DMWD: variants seen among roughly 807,000 people sequenced by gnomAD.
The protein encoded by DMWD is DM1 locus, WD repeat containing, also known as dystrophia myotonica WD repeat-containing protein.
A neutral mutation model predicts 45.8 loss-of-function variants in DMWD; 19 were observed. The ratio of observed to expected loss-of-function variants is 0.41; its 90% CI spans 0.29 to 0.61. The LOEUF (loss-of-function observed/expected upper bound fraction) is 0.61. DMWD is among the 20% of genes least tolerant of loss of function. DMWD has a pLI of 0.25. For missense variants in DMWD, 802 were observed against 965.2 expected (o/e 0.83, Z 2.24); for synonymous variants, 515 against 440.5 (o/e 1.17, Z -2.12).
rs547621133 is a variant in DMWD at position 45,786,122 on chromosome 19, G to T, written c.1374C>A (p.Arg458=). 82 of 1,541,392 alleles carry T rather than the reference G, an allele frequency of 5.3e-5. No homozygotes were observed. Among genetic ancestry groups the T allele is most frequent in the East Asian group, 1.9e-4 (8 of 42,430 alleles). ...CAGGTGTGCCAGGGAGGGTGCGGGT[G>T]CGGGCCAGGGGGGGGTGCGGGTAGA... The part of the protein sequence containing the change: ...DVLYPHPPLA[R]TRTLPGTPGT... Residue 458 remains arginine, a synonymous_variant, in exon 3 of 5, where the codon CGC becomes CGA. Transcript: ENST00000270223.
chr19:45,790,673 A>C, intron 2 of DMWD: 1 of 399,820 alleles, frequency 2.5e-6, no homozygotes, highest in Admixed American at 4.1e-5. Flanking sequence ...AATAAAAGAA[A>C]GAAAGAAAGA....
chr19:45,792,643 G>A lies in DMWD; in HGVS notation c.114C>T (p.Gly38=). Residue 38 remains glycine, a synonymous_variant, in exon 1 of 5, where the codon GGC becomes GGT. Transcript: ENST00000270223. ...GACCCGACCTGCGAGCGGCGCCGTC[G>A]CCCGGGAGTAGCTTGTAGAAACCCT... ...TREGFYKLLP[G]DGAARRSGPA... is the part of the protein sequence containing the mutation. 7.5e-7 allele frequency: 1 copy of A among 1,335,316 alleles called. No individual in the cohort carries two copies. The highest frequency in any genetic ancestry group is 9.7e-7 in the Non-Finnish European group (1 of 1,027,252). The allele number at this position is 1,335,316 out of a possible 1,614,324, so 82.7% of individuals were successfully genotyped here.
Position 45,785,850 on chromosome 19 carries a change from A to T in DMWD, c.1646T>A (p.Ile549Asn). Residue 549 changes from isoleucine (I) to asparagine (N), a missense_variant, in exon 3 of 5, where the codon ATC becomes AAC. Ile to Asn is a moderately radical substitution (Grantham distance 149). Transcript: ENST00000270223. ...ACTGCCGCCACTGCCACCCCGGCTG[A>T]TGTTGCCCAGGCTGTGGTAGCGCTT... Reference protein sequence around the residue: ...EHKRYHSLGNISRGGSGGSGS... With the variant: ...EHKRYHSLGNNSRGGSGGSGS... 1 of 1,609,664 alleles carries T rather than the reference A, an allele frequency of 6.2e-7. No individual in the cohort carries two copies. Among genetic ancestry groups the T allele is most frequent in the Non-Finnish European group, 8.5e-7 (1 of 1,179,728 alleles).
In DMWD at chr19:45,786,010, G is replaced by A; in HGVS notation, c.1486C>T (p.Leu496Phe). The A allele has an allele frequency of 6.4e-7, 1 of 1,563,248 alleles. No homozygotes were observed. Among genetic ancestry groups the A allele is most frequent in the Non-Finnish European group, 8.7e-7 (1 of 1,155,114 alleles). The change falls in exon 3 of 5, where the codon CTC becomes TTC. Residue 496 changes from leucine (L) to phenylalanine (F), a missense_variant. Around this residue, in one of 9 missense-constraint regions of DMWD, gnomAD observed 303 missense variants for 332.9 expected, o/e 0.91. Transcript: ENST00000270223. ...TTGCCCCCGCCAGCTGGGTGCGGGA[G>A]ACTGTTGGAGCGGGACAGCGAGCGA... is the stretch of plus-strand genomic sequence containing the variant. ...LPRSLSRSNSLPHPAGGGKAG... is the reference protein window; with the variant it reads ...LPRSLSRSNSFPHPAGGGKAG...
chr19:45,785,602 C>T lies in DMWD; in HGVS notation c.1894G>A (p.Gly632Ser). Residue 632 changes from glycine (G) to serine (S), a missense_variant, in exon 3 of 5, where the codon GGC becomes AGC. Gly to Ser is a moderately conservative substitution (Grantham distance 56). This residue lies in a region of DMWD where 303 missense variants were observed against 332.9 expected (regional missense o/e 0.91). Coordinates refer to ENST00000270223, the MANE Select transcript of DMWD (RefSeq NM_004943.2). ...EGLICTWARPGKAFTDEETEA... is the reference protein window; with the variant it reads ...EGLICTWARPSKAFTDEETEA... ...GGTGTGGGGCCACTCACCGCCTTGC[C>T]CGGCCGGGCCCAGGTGCAGATGAGG... 1.3e-6 allele frequency: 2 copies of T among 1,495,006 alleles called. No homozygotes were observed. Among genetic ancestry groups the T allele is most frequent in the Non-Finnish European group, 1.8e-6 (2 of 1,119,880 alleles). 92.6% of individuals were successfully genotyped at this position (1,495,006 alleles called of 1,614,324 possible).
chr19:45,792,562 A>G lies in DMWD; in HGVS notation c.195T>C (p.Pro65=). Residue 65 remains proline (P), a synonymous_variant, in exon 1 of 5, where the codon CCT becomes CCC. Transcript: ENST00000270223. ...CAGCGCCGGGACCGGAGGCGGAGGC[A>G]GGGCCGGGCGGGGGCTGCGGTGGCT... is the stretch of plus-strand genomic sequence containing the variant. ...PPQPPQPPPG[P]ASASGPGAAG... is the part of the protein sequence containing the mutation. The G allele has an allele frequency of 8.2e-7, 1 of 1,221,630 alleles. No individual in the cohort carries two copies. 75.7% of individuals were successfully genotyped at this position (1,221,630 alleles called of 1,614,324 possible). A position where few individuals can be genotyped will look rare whatever the true frequency, so the allele number is the denominator to read the frequency against.
At chr19:45,792,233 A>G (rs1600467327) in intron 1 of DMWD, 83 bp downstream of exon 1, 4 of 1,497,778 alleles carry the variant, frequency 2.7e-6, no homozygotes, top group South Asian at 1.3e-5. Context: ...TCAGGGCCCC[A>G]TATCAATTCG....
chr19:45,787,160 A>C, intron 2 of DMWD: 1 of 510,866 alleles, frequency 2.0e-6, no homozygotes, highest in African/African-American at 1.9e-5. Context: ...TTGCCACAGA[A>C]TTGTCCTGTA....
chr19:45,784,650 T>C lies in DMWD; in HGVS notation c.1968A>G (p.Ser656=). ...EGSWPRSPSK[S]VVEGISSQPG... is the part of the protein sequence containing the mutation. Reference sequence around the variant, plus strand: ...TCAGGGACAGTCCTACCTCTACCACTGACTTGCTGGGTGACCTGGGCCAAC... The same window carrying C: ...TCAGGGACAGTCCTACCTCTACCACCGACTTGCTGGGTGACCTGGGCCAAC... The change falls in exon 4 of 5, where the codon TCA becomes TCG. Residue 656 remains serine (S), a synonymous_variant. Coordinates refer to ENST00000270223, the MANE Select transcript of DMWD (RefSeq NM_004943.2). 6.2e-7 allele frequency: 1 copy of C among 1,613,934 alleles called. No individual in the cohort carries two copies.
Position 45,785,669 on chromosome 19 carries a change from G to A in DMWD, c.1827C>T (p.Leu609=). The A allele has an allele frequency of 1.3e-6, 2 of 1,586,512 alleles. No homozygotes were observed. Among genetic ancestry groups the A allele is most frequent in the East Asian group, 2.3e-5 (1 of 44,174 alleles). Residue 609 remains leucine, a synonymous_variant, in exon 3 of 5, where the codon CTC becomes CTT. Transcript: ENST00000270223. ...TGATGATGCAGTCCTCCAGGAACAGGAGGACTGTGAGCCGCTCCTGGGCGA... is the reference window on the plus strand; with the variant it reads ...TGATGATGCAGTCCTCCAGGAACAGAAGGACTGTGAGCCGCTCCTGGGCGA... The part of the protein sequence containing the change: ...KKIAQERLTV[L]LFLEDCIITA...
At chr19:45,787,089 G>T in intron 2 of DMWD, 1 of 836,794 alleles carries the variant, frequency 1.2e-6, no homozygotes, top group Non-Finnish European at 1.8e-6. Context: ...CTGCTGCAAG[G>T]TGGCCACAGG....
In DMWD at chr19:45,792,614, G is replaced by A; in HGVS notation, c.143C>T (p.Ala48Val). The change falls in exon 1 of 5, where the codon GCT (alanine) becomes GTT (valine). Residue 48 changes from alanine (A) to valine (V), a missense_variant. Transcript: ENST00000270223. ...AGGCGGCACCGGAGTCTGGGCGGAA[G>A]CCGGACCCGACCTGCGAGCGGCGCC... ...GDGAARRSGP[A>V]SAQTPVPPQP... The A allele has an allele frequency of 7.5e-7, 1 of 1,326,922 alleles. No individual in the cohort carries two copies. The highest frequency in any genetic ancestry group is 9.8e-7 in the Non-Finnish European group (1 of 1,022,422). The allele number at this position is 1,326,922 out of a possible 1,614,324, so 82.2% of individuals were successfully genotyped here.
At chr19:45,790,875 G>A in intron 2 of DMWD, 30 bp downstream of exon 2, 1 of 1,581,896 alleles carries the variant, frequency 6.3e-7, no homozygotes, top group African/African-American at 1.4e-5. Flanking sequence ...AGAAGGCAGA[G>A]AAGTTGGGGG....
At position 45,783,567 on chromosome 19, in the gene DMWD, C is replaced by G. The variant is rs960139348; in HGVS notation, c.*676G>C. The G allele has an allele frequency of 3.3e-5, 13 of 398,742 alleles. No individual in the cohort carries two copies. The highest frequency in any genetic ancestry group is 3.2e-4 in the East Asian group (9 of 28,058). 24.7% of individuals were successfully genotyped at this position (398,742 alleles called of 1,614,324 possible). On this transcript the variant is annotated 3_prime_UTR_variant, in exon 5 of 5. Transcript: ENST00000270223. ...TCACCAGTTGTGTGACTCGCAGGTC[C>G]GTTCCCTCCCTGGGCTCCGGCTTTT...
Position 45,783,564 on chromosome 19 carries a change from G to GTGTGAC in DMWD, c.*678_*679insGTCACA, listed in dbSNP as rs1970214249. 3 of 398,614 alleles carry GTGTGAC rather than the reference G, an allele frequency of 7.5e-6. No individual in the cohort carries two copies. Among genetic ancestry groups the GTGTGAC allele is most frequent in the African/African-American group, 6.2e-5 (3 of 48,670 alleles). The allele number at this position is 398,614 out of a possible 1,614,324, so 24.7% of individuals were successfully genotyped here. A position where few individuals can be genotyped will look rare whatever the true frequency, so the allele number is the denominator to read the frequency against. On this transcript the variant is annotated 3_prime_UTR_variant, in exon 5 of 5. Coordinates refer to ENST00000270223, the MANE Select transcript of DMWD (RefSeq NM_004943.2). ...GGGTCACCAGTTGTGTGACTCGCAG[G>GTGTGAC]TCCGTTCCCTCCCTGGGCTCCGGCT...
chr19:45,785,499 CTG>C (rs1970258121), intron 3 of DMWD, 93 bp downstream of exon 3: 1 of 1,416,066 alleles, frequency 7.1e-7, no homozygotes, highest in Admixed American at 3.1e-5. Flanking sequence ...GAGCCAGAGG[CTG>C]TGACAGCAAC....
At chr19:45,787,943 G>A (rs1207726379) in intron 2 of DMWD, among the ~76,000 whole-genome samples, 1 of 152,186 alleles carries the variant, frequency 6.6e-6, no homozygotes, top group Non-Finnish European at 1.5e-5. Flanking sequence ...AGCCAGGCAT[G>A]GTGGCGGGCG....
At position 45,790,367 on chromosome 19, in the gene DMWD, A is replaced by G. The variant is rs146807660; in HGVS notation, c.624+538T>C. ...ATTACAATTACAATTAAAAAAAAAA[A>G]AAAGAACCGGGCATGGTGGCTCACA... On this transcript the variant is annotated intron_variant, in intron 2 of 4. Coordinates refer to ENST00000270223, the MANE Select transcript of DMWD (RefSeq NM_004943.2). Among the ~76,000 whole-genome samples the G allele has an allele frequency of 2.9e-3, 437 of 151,368 alleles. 1 individual carries two copies. The highest frequency in any genetic ancestry group is 9.9e-3 in the African/African-American group (408 of 41,304).
rs1399952464 is a variant in DMWD, at chr19:45,783,548, G to A, written c.*695C>T. The A allele has an allele frequency of 2.5e-6, 1 of 398,630 alleles. No homozygotes were observed. The highest frequency in any genetic ancestry group is 2.1e-5 in the African/African-American group (1 of 48,622). 24.7% of individuals were successfully genotyped at this position (398,630 alleles called of 1,614,324 possible). A position where few individuals can be genotyped will look rare whatever the true frequency, so the allele number is the denominator to read the frequency against. ...CTCCAGCCGCTGGTGTGGGTCACCA[G>A]TTGTGTGACTCGCAGGTCCGTTCCC... On this transcript the variant is annotated 3_prime_UTR_variant, in exon 5 of 5. Transcript: ENST00000270223.
Sources: allele counts gnomAD v4.1 joint callset (sites outside exome capture counted in the v4.1 genomes callset), GRCh38; gene constraint gnomAD v4.1.1; regional missense constraint gnomAD v4.1.1; transcripts MANE v1.5; gene names NCBI Gene and HGNC (gene_info 2026-07-23, HGNC 2026-07-21).